Variants in CACNA2D3 observed in about 807,000 individuals in gnomAD.
The protein encoded by CACNA2D3 is voltage-dependent calcium channel subunit alpha-2/delta-3.
In CACNA2D3, 60 loss-of-function variants were observed where a neutral mutation model predicts 160.6. The observed-to-expected ratio is 0.37, with a 90% confidence interval of 0.30 to 0.46. CACNA2D3 has a LOEUF of 0.46. CACNA2D3 is among the 20% of genes least tolerant of loss of function. The pLI, the probability that CACNA2D3 is intolerant of heterozygous loss-of-function variation, is 1.00. For missense variants in CACNA2D3, 1,205 were observed against 1,365.0 expected, an observed-to-expected ratio of 0.88 and a Z score of 1.85; for synonymous variants, 558 against 492.9, an observed-to-expected ratio of 1.13 and a Z score of -1.75.
chr3:54,754,115 A>G (rs1701925191), intron 12 of CACNA2D3, among the ~76,000 whole-genome samples: 1 of 152,242 alleles, frequency 6.6e-6, no homozygotes, highest in African/African-American at 2.4e-5. Flanking sequence ...CATAAGGTTA[A>G]TTGATTACCA....
intron 27 of CACNA2D3, among the ~76,000 whole-genome samples, chr3:54,949,942 C>G (rs372039416): frequency 1.3e-5 from 2 of 152,182 alleles, no homozygotes; most frequent in East Asian, 3.9e-4. Flanking sequence ...TAATGTTTCT[C>G]TAGCTATTAA....
chr3:54,523,699 T>C (rs527751332), intron 5 of CACNA2D3, among the ~76,000 whole-genome samples: 2 of 152,242 alleles, frequency 1.3e-5, no homozygotes, highest in East Asian at 3.9e-4. Context: ...CTCGTTGTTT[T>C]CAGATTATCT....
chr3:54,192,670 A>AGG (rs1233908685), intron 2 of CACNA2D3, among the ~76,000 whole-genome samples: 3 of 104,376 alleles, frequency 2.9e-5, no homozygotes, highest in African/African-American at 7.6e-5. Context: ...CCCATATGTG[A>AGG]GGTGTGTGTG....
rs567123425 is a variant in CACNA2D3, at chr3:54,302,470, G to A, written c.205-17972G>A. Among the ~76,000 whole-genome samples the A allele has an allele frequency of 1.6e-4, 25 of 152,234 alleles. No individual in the cohort carries two copies. In the South Asian group the frequency reaches 4.8e-3, roughly 29 times the overall value. ...AGCTTCCAGGGAAAAATTCGGCAAG[G>A]TCCCAAGTATAAGATGGAAAGAGCG... On this transcript the variant is annotated intron_variant, in intron 2 of 37. Transcript: ENST00000474759.
intron 35 of CACNA2D3, among the ~76,000 whole-genome samples, chr3:55,033,834 A>ATTTAATATG (rs1559469612): frequency 2.2e-5 from 2 of 91,616 alleles, no homozygotes; most frequent in African/African-American, 5.7e-5. Context: ...TATTTAATAT[A>ATTTAATATG]TAATATATAT....
At chr3:54,237,364 C>T (rs1575335606) in intron 2 of CACNA2D3, among the ~76,000 whole-genome samples, 1 of 151,080 alleles carries the variant, frequency 6.6e-6, no homozygotes, top group African/African-American at 2.4e-5. Flanking sequence ...GAGGGTAAAA[C>T]TTGTTTACTT....
intron 27 of CACNA2D3, among the ~76,000 whole-genome samples, chr3:54,919,907 G>A (rs547393800): frequency 2.0e-5 from 3 of 152,182 alleles, no homozygotes; most frequent in Admixed American, 1.3e-4. Flanking sequence ...CACTACACTC[G>A]CTGCCTCGCC....
rs1413288333 is a variant in CACNA2D3 at position 54,763,780 on chromosome 3, C to G, written c.1247-438C>G. Among the ~76,000 whole-genome samples, 34 of 25,736 alleles carry G rather than the reference C, an allele frequency of 1.3e-3. 7 individuals are homozygous for G. Among genetic ancestry groups the G allele is most frequent in the African/African-American group, 4.0e-3 (33 of 8,302 alleles). 16.9% of individuals were successfully genotyped at this position (25,736 alleles called of 152,430 possible). ...ATACACATATATATGTATATATGTACATATATATGTATATATATGTACATA... is the reference window on the plus strand; with the variant it reads ...ATACACATATATATGTATATATGTAGATATATATGTATATATATGTACATA... On this transcript the variant is annotated intron_variant, in intron 12 of 37. Transcript: ENST00000474759.
intron 3 of CACNA2D3, among the ~76,000 whole-genome samples, chr3:54,336,118 G>T (rs1462311822): frequency 1.3e-5 from 2 of 151,912 alleles, no homozygotes; most frequent in Non-Finnish European, 1.5e-5. Flanking sequence ...AATCCCAGGA[G>T]ACTTGTCTGC....
chr3:54,906,109 A>T (rs945477127), intron 27 of CACNA2D3, among the ~76,000 whole-genome samples: 44 of 152,066 alleles, frequency 2.9e-4, no homozygotes, highest in African/African-American at 1.0e-3. Flanking sequence ...TGCTGCAGCA[A>T]CCTCTGAGAA....
chr3:54,578,668 C>T (rs1429858710), intron 8 of CACNA2D3, among the ~76,000 whole-genome samples: 1 of 152,224 alleles, frequency 6.6e-6, no homozygotes, highest in African/African-American at 2.4e-5. Context: ...TAGTCAACTG[C>T]AAGCTTGGAT....
At chr3:54,917,171 A>C (rs59234324) in intron 27 of CACNA2D3, among the ~76,000 whole-genome samples, 70 of 152,362 alleles carry the variant, frequency 4.6e-4, no homozygotes, top group African/African-American at 1.7e-3. Context: ...AAATGCATAA[A>C]TCTGGAGCCA....
chr3:54,869,859 G>A (rs1287854267), intron 17 of CACNA2D3, among the ~76,000 whole-genome samples: 1 of 152,244 alleles, frequency 6.6e-6, no homozygotes, highest in Admixed American at 6.5e-5. Flanking sequence ...TCCTTAACAA[G>A]ATCCAACTGC....
At chr3:55,019,020 C>T (rs1703389517) in intron 35 of CACNA2D3, among the ~76,000 whole-genome samples, 2 of 150,072 alleles carry the variant, frequency 1.3e-5, no homozygotes, top group South Asian at 4.2e-4. Flanking sequence ...TGGGCTCAAG[C>T]AGTCCTCCTG....
At chr3:54,952,905 A>T (rs1410028392) in intron 27 of CACNA2D3, among the ~76,000 whole-genome samples, 3 of 152,166 alleles carry the variant, frequency 2.0e-5, no homozygotes, top group African/African-American at 7.2e-5. Flanking sequence ...GGTCTGGCTT[A>T]CTTGTCTTCC....
intron 2 of CACNA2D3, among the ~76,000 whole-genome samples, chr3:54,162,148 G>T (rs1309160557): frequency 6.6e-6 from 1 of 152,186 alleles, no homozygotes; most frequent in Non-Finnish European, 1.5e-5. Flanking sequence ...CTTTGTCCCA[G>T]GTTTGGGTTG....
At chr3:54,184,699 A>T (rs1282647067) in intron 2 of CACNA2D3, among the ~76,000 whole-genome samples, 1 of 152,118 alleles carries the variant, frequency 6.6e-6, no homozygotes, top group Non-Finnish European at 1.5e-5. Flanking sequence ...TGGGGACATG[A>T]GGTTCTTCAG....
intron 9 of CACNA2D3, among the ~76,000 whole-genome samples, chr3:54,585,331 T>G (rs1053536656): frequency 6.6e-6 from 1 of 152,172 alleles, no homozygotes; most frequent in African/African-American, 2.4e-5. Context: ...AATTACATAT[T>G]TGTACCATAA....
intron 27 of CACNA2D3, among the ~76,000 whole-genome samples, chr3:54,908,014 G>A (rs1182926228): frequency 1.3e-5 from 2 of 152,162 alleles, no homozygotes; most frequent in Admixed American, 6.5e-5. Context: ...GTTGATATGA[G>A]CATCCATGTA....
Sources: gnomAD v4.1 joint callset for allele counts (sites outside exome capture counted in the v4.1 genomes callset) on GRCh38, gnomAD v4.1.1 for gene constraint, MANE v1.5 for transcripts, NCBI Gene and HGNC (gene_info 2026-07-23, HGNC 2026-07-21) for gene names.